The following EYS variants were observed in gnomAD, a reference collection of about 807,000 sequenced individuals.
The protein encoded by EYS is protein eyes shut homolog.
A neutral mutation model predicts 282.1 loss-of-function variants in EYS; 250 were observed. The ratio of observed to expected loss-of-function variants is 0.89; its 90% CI spans 0.80 to 0.98. The LOEUF is 0.98. Ranked by LOEUF, EYS falls within the 50% of genes least tolerant of loss-of-function variation. The pLI is 0.00. For synonymous variants in EYS, 1,355 were observed against 1,282.9 expected (o/e 1.06, Z -1.20); for missense variants, 4,016 against 3,709.0 (o/e 1.08, Z -2.15).
chr6:64,360,130 C>T (rs539019304), intron 29 of EYS, among the ~76,000 whole-genome samples: 11 of 151,824 alleles, frequency 7.2e-5, no homozygotes, highest in Admixed American at 2.0e-4. Context: ...TACACGTTTA[C>T]GTTCTCTTAG....
At chr6:65,297,344 A>G (rs1414351765) in intron 11 of EYS, among the ~76,000 whole-genome samples, 5 of 151,886 alleles carry the variant, frequency 3.3e-5, no homozygotes, top group Non-Finnish European at 7.4e-5. Flanking sequence ...ATAAAAATTA[A>G]CCTACTGAAC....
chr6:64,358,370 C>T (rs562933749), intron 29 of EYS, among the ~76,000 whole-genome samples: 1 of 151,718 alleles, frequency 6.6e-6, no homozygotes, highest in African/African-American at 2.4e-5. Flanking sequence ...TGTTGAATTG[C>T]ACATAAAAAG....
intron 14 of EYS, among the ~76,000 whole-genome samples, chr6:64,995,881 A>G (rs760833790): frequency 3.8e-4 from 58 of 152,128 alleles, no homozygotes; most frequent in Non-Finnish European, 6.9e-4. Flanking sequence ...GGCAAGATGT[A>G]AAGTTGTACT....
chr6:65,363,487 T>C (rs1170500683), intron 8 of EYS, among the ~76,000 whole-genome samples: 3 of 151,986 alleles, frequency 2.0e-5, no homozygotes. Flanking sequence ...TAAGTATATG[T>C]CATTTTGTTT....
At chr6:63,970,789 T>C (rs1314011775) in intron 35 of EYS, among the ~76,000 whole-genome samples, 1 of 152,212 alleles carries the variant, frequency 6.6e-6, no homozygotes, top group Non-Finnish European at 1.5e-5. Flanking sequence ...TGTCTTCATT[T>C]TAATCCACTT....
intron 2 of EYS, among the ~76,000 whole-genome samples, chr6:65,609,636 C>T (rs1029319570): frequency 6.6e-6 from 1 of 152,036 alleles, no homozygotes; most frequent in Admixed American, 6.6e-5. Flanking sequence ...TCATATTTTA[C>T]ATTCACTCTT....
intron 31 of EYS, among the ~76,000 whole-genome samples, chr6:64,185,635 A>G (rs1051615527): frequency 6.6e-6 from 1 of 152,184 alleles, no homozygotes; most frequent in African/African-American, 2.4e-5. Flanking sequence ...AGCAGGTCTA[A>G]TATCCTATAT....
At chr6:64,095,729 T>C (rs1184813877) in intron 31 of EYS, among the ~76,000 whole-genome samples, 1 of 152,244 alleles carries the variant, frequency 6.6e-6, no homozygotes, top group African/African-American at 2.4e-5. Flanking sequence ...CTGTGTCTTT[T>C]AATTGGAGCA....
intron 2 of EYS, among the ~76,000 whole-genome samples, chr6:65,630,580 G>T (rs1766876248): frequency 6.6e-6 from 1 of 152,156 alleles, no homozygotes; most frequent in Non-Finnish European, 1.5e-5. Flanking sequence ...AAAGTCTCAG[G>T]TTGCATAACA....
At chr6:64,111,043 G>T (rs2150266303) in intron 31 of EYS, among the ~76,000 whole-genome samples, 1 of 152,164 alleles carries the variant, frequency 6.6e-6, no homozygotes, top group Admixed American at 6.6e-5. Flanking sequence ...GGAAGGACTA[G>T]AGGAGTTTAA....
At chr6:63,851,360 T>C (rs571144125) in intron 36 of EYS, among the ~76,000 whole-genome samples, 26 of 152,220 alleles carry the variant, frequency 1.7e-4, no homozygotes, top group Non-Finnish European at 2.9e-4. Context: ...CCCAAATCAA[T>C]AGAATATACA....
rs540852685 is a variant in EYS at position 64,083,990 on chromosome 6, A to G, written c.6425-1988T>C. ...TGACCTCAGGTGATCCACCTGCCTCAGTCTCCCAAAGTGCTGGGATTACAG... is the reference window on the plus strand; with the variant it reads ...TGACCTCAGGTGATCCACCTGCCTCGGTCTCCCAAAGTGCTGGGATTACAG... On this transcript the variant is annotated intron_variant, in intron 31 of 42. Coordinates refer to ENST00000503581, the MANE Select transcript of EYS (RefSeq NM_001142800.2). Among the ~76,000 whole-genome samples the G allele has an allele frequency of 3.8e-3, 582 of 152,258 alleles. 6 individuals carry two copies. Among genetic ancestry groups the G allele is most frequent in the Non-Finnish European group, 3.3e-3 (226 of 68,012 alleles).
intron 1 of EYS, among the ~76,000 whole-genome samples, chr6:65,665,615 A>G (rs1474063166): frequency 1.3e-5 from 2 of 152,122 alleles, no homozygotes; most frequent in East Asian, 3.9e-4. Context: ...GTAAATATGC[A>G]GTCTCCTAAT....
chr6:64,844,824 T>C (rs1474624677), intron 19 of EYS, among the ~76,000 whole-genome samples: 4 of 152,188 alleles, frequency 2.6e-5, no homozygotes, highest in Non-Finnish European at 5.9e-5. Flanking sequence ...CTTTATTTCA[T>C]GGTAATTTCA....
chr6:64,496,173 C>T (rs996690071), intron 26 of EYS, among the ~76,000 whole-genome samples: 4 of 151,850 alleles, frequency 2.6e-5, no homozygotes, highest in African/African-American at 9.6e-5. Context: ...CTGATTAATT[C>T]TTTGCTTTCT....
intron 31 of EYS, among the ~76,000 whole-genome samples, chr6:64,098,528 G>T (rs147946641): frequency 6.6e-6 from 1 of 151,902 alleles, no homozygotes; most frequent in Admixed American, 6.6e-5. Flanking sequence ...AGATAACTCA[G>T]GGTAGTGTTT....
At chr6:64,679,308 G>A (rs573463460) in intron 22 of EYS, among the ~76,000 whole-genome samples, 11 of 152,008 alleles carry the variant, frequency 7.2e-5, no homozygotes, top group Admixed American at 1.3e-4. Flanking sequence ...AGCTTTTCTC[G>A]GGCACTTTAT....
intron 26 of EYS, among the ~76,000 whole-genome samples, chr6:64,574,175 A>G (rs1290149063): frequency 6.6e-6 from 1 of 152,220 alleles, no homozygotes; most frequent in East Asian, 1.9e-4. Context: ...CTAACACAGG[A>G]ACGGAAAATC....
intron 2 of EYS, among the ~76,000 whole-genome samples, chr6:65,591,295 C>T (rs1765223933): frequency 6.6e-6 from 1 of 151,826 alleles, no homozygotes; most frequent in Non-Finnish European, 1.5e-5. Context: ...CTGACTCCAT[C>T]TCAATCAATC....
Sources: gnomAD v4.1 joint callset for allele counts (sites outside exome capture counted in the v4.1 genomes callset) on GRCh38, gnomAD v4.1.1 for gene constraint, MANE v1.5 for transcripts, NCBI Gene and HGNC (gene_info 2026-07-23, HGNC 2026-07-21) for gene names.